Variants in WNK1 observed in about 807,000 individuals in gnomAD.
The protein encoded by WNK1 is serine/threonine-protein kinase WNK1.
A neutral mutation model predicts 222.8 loss-of-function variants in WNK1; 38 were observed. That is an observed-to-expected ratio of 0.17 (90% CI 0.13 to 0.22). The LOEUF is 0.22. Among genes scored for constraint, WNK1 ranks in the 10% least tolerant of loss-of-function variants. The pLI is 1.00. For synonymous variants in WNK1, 1,090 were observed against 1,092.9 expected, an observed-to-expected ratio of 1.00 and a Z score of 0.05; for missense variants, 2,348 against 2,918.4, an observed-to-expected ratio of 0.80 and a Z score of 4.50.
intron 4 of WNK1, among the ~76,000 whole-genome samples, chr12:838,635 A>G (rs1199016390): frequency 6.6e-6 from 1 of 152,004 alleles, no homozygotes; most frequent in Non-Finnish European, 1.5e-5. Flanking sequence ...AGGCTGGTCT[A>G]GAACTCCTCA....
intron 10 of WNK1, among the ~76,000 whole-genome samples, chr12:879,219 T>C (rs1952898213): frequency 6.6e-6 from 1 of 152,020 alleles, no homozygotes; most frequent in Non-Finnish European, 1.5e-5. Context: ...AGCATTATGG[T>C]ATATAAAATA....
chr12:808,553 A>G (rs80193229), intron 1 of WNK1, among the ~76,000 whole-genome samples: 10,110 of 151,714 alleles, frequency 0.067, 396 homozygotes, highest in African/African-American at 0.081. Context: ...TACTTTTAGC[A>G]TTAACCTAAA....
chr12:805,513 A>G (rs1946297236), intron 1 of WNK1, among the ~76,000 whole-genome samples: 1 of 152,232 alleles, frequency 6.6e-6, no homozygotes, highest in Admixed American at 6.5e-5. Flanking sequence ...TTTTAGTGTA[A>G]GTGCTAATTA....
Position 872,463 on chromosome 12 carries a change from G to T in WNK1, c.2223+1115G>T, listed in dbSNP as rs118045784. 2.8e-4 allele frequency among the ~76,000 whole-genome samples: 42 copies of T among 152,188 alleles called. No individual in the cohort carries two copies. The East Asian group carries it at 7.9e-3, about 29-fold the overall frequency. ...AAATATTTTAACTTTTGTTTTGGGG[G>T]GCTTGTTCCAGAAAGTTCAAGGAAT... On this transcript the variant is annotated intron_variant, in intron 9 of 27. Coordinates refer to ENST00000315939, the MANE Select transcript of WNK1 (RefSeq NM_018979.4).
intron 4 of WNK1, among the ~76,000 whole-genome samples, chr12:837,722 A>G (rs1338060255): frequency 6.6e-6 from 1 of 152,174 alleles, no homozygotes; most frequent in Non-Finnish European, 1.5e-5. Context: ...ATTAGTCCAC[A>G]CAGACTCAAA....
At chr12:765,774 T>A (rs187181342) in intron 1 of WNK1, among the ~76,000 whole-genome samples, 1 of 152,228 alleles carries the variant, frequency 6.6e-6, no homozygotes, top group East Asian at 1.9e-4. Context: ...CTCCAAAAAA[T>A]TTTAAAAATA....
intron 10 of WNK1, 97 bp from the exon 11 acceptor site, chr12:879,476 T>TTTGGG: frequency 1.3e-6 from 1 of 780,472 alleles, no homozygotes; most frequent in Non-Finnish European, 1.9e-6. Flanking sequence ...TTTCCTTCTT[T>TTTGGG]TTGGCTAATA....
chr12:778,888 T>C (rs1404428985), intron 1 of WNK1, among the ~76,000 whole-genome samples: 1 of 152,148 alleles, frequency 6.6e-6, no homozygotes, highest in Non-Finnish European at 1.5e-5. Context: ...TCTAAAAATA[T>C]GAGCAAAAGC....
chr12:860,049 A>C (rs780851717), intron 6 of WNK1, among the ~76,000 whole-genome samples: 1 of 152,138 alleles, frequency 6.6e-6, no homozygotes, highest in African/African-American at 2.4e-5. Context: ...GTAGATATAT[A>C]TATACATAGG....
At chr12:868,237 TC>T (rs1159047610) in intron 8 of WNK1, 6 of 1,605,542 alleles carry the variant, frequency 3.7e-6, no homozygotes, top group African/African-American at 1.3e-5. Flanking sequence ...GACTAGTACT[TC>T]CAGAAGAAGC....
chr12:816,728 C>T (rs1947374601), intron 2 of WNK1, among the ~76,000 whole-genome samples: 1 of 152,184 alleles, frequency 6.6e-6, no homozygotes, highest in South Asian at 2.1e-4. Context: ...GACATTTTCA[C>T]AGTTCCTTGG....
chr12:867,913 A>G (rs1218344623), intron 8 of WNK1: 1 of 1,613,998 alleles, frequency 6.2e-7, no homozygotes, highest in East Asian at 2.2e-5. Flanking sequence ...CATACCCAGA[A>G]TCACAGATAT....
At chr12:757,501 A>T (rs1940299456) in intron 1 of WNK1, among the ~76,000 whole-genome samples, 1 of 151,940 alleles carries the variant, frequency 6.6e-6, no homozygotes, top group Admixed American at 6.6e-5. Flanking sequence ...AATTACAAGC[A>T]TCAATTCTTA....
At chr12:783,063 C>T (rs1479407173) in intron 1 of WNK1, among the ~76,000 whole-genome samples, 1 of 151,424 alleles carries the variant, frequency 6.6e-6, no homozygotes, top group Non-Finnish European at 1.5e-5. Flanking sequence ...GCCACCACAC[C>T]CTGCTAATGT....
intron 8 of WNK1, 54 bp downstream of exon 8, chr12:862,324 T>G (rs1951281027): frequency 6.3e-7 from 1 of 1,583,840 alleles, no homozygotes; most frequent in Non-Finnish European, 8.7e-7. Flanking sequence ...ATGGATAGTC[T>G]GCTAAATTAA....
intron 25 of WNK1, among the ~76,000 whole-genome samples, chr12:898,812 T>G (rs1469849616): frequency 6.6e-6 from 1 of 152,090 alleles, no homozygotes; most frequent in Non-Finnish European, 1.5e-5. Context: ...CGATCTCGGC[T>G]CACTGCATTC....
At chr12:828,852 C>G (rs1247330496) in intron 3 of WNK1, among the ~76,000 whole-genome samples, 1 of 152,002 alleles carries the variant, frequency 6.6e-6, no homozygotes, top group Non-Finnish European at 1.5e-5. Context: ...CAAAAGAAAC[C>G]CATTAATTTT....
intron 22 of WNK1, among the ~76,000 whole-genome samples, chr12:891,603 T>C (rs933848063): frequency 3.9e-5 from 4 of 102,378 alleles, no homozygotes; most frequent in Non-Finnish European, 8.8e-5. Context: ...ATTTTTTTTC[T>C]TTTTTTTTTT....
chr12:792,227 T>TAG (rs1410834328), intron 1 of WNK1, among the ~76,000 whole-genome samples: 2 of 151,750 alleles, frequency 1.3e-5, no homozygotes, highest in Admixed American at 1.3e-4. Context: ...ATAAAGGTGA[T>TAG]AGAGAGATTG....
Sources: gnomAD v4.1 joint callset for allele counts (sites outside exome capture counted in the v4.1 genomes callset) on GRCh38, gnomAD v4.1.1 for gene constraint, MANE v1.5 for transcripts, NCBI Gene and HGNC (gene_info 2026-07-23, HGNC 2026-07-21) for gene names.